Variants in GABRG3 observed in about 807,000 individuals in gnomAD.
GABRG3 encodes gamma-aminobutyric acid type A receptor subunit gamma3.
In GABRG3, 25 loss-of-function variants were observed where a neutral mutation model predicts 48.8. That is an observed-to-expected ratio of 0.51 (90% CI 0.37 to 0.72). GABRG3 has a LOEUF of 0.72. Among genes scored for constraint, GABRG3 ranks in the 30% least tolerant of loss-of-function variants. GABRG3 has a pLI of 0.00. For synonymous variants in GABRG3, 227 were observed against 217.6 expected (o/e 1.04, Z -0.38); for missense variants, 394 against 577.9 (o/e 0.68, Z 3.26).
intron 3 of GABRG3, among the ~76,000 whole-genome samples, chr15:27,207,405 A>G (rs1336399821): frequency 6.6e-6 from 1 of 152,240 alleles, no homozygotes; most frequent in Non-Finnish European, 1.5e-5. Context: ...TGGATTCCGA[A>G]CTCAAGCCTT....
chr15:27,476,303 G>A (rs1268396553), intron 5 of GABRG3, among the ~76,000 whole-genome samples: 1 of 151,606 alleles, frequency 6.6e-6, no homozygotes, highest in African/African-American at 2.4e-5. Context: ...CACACACAAA[G>A]GAAAAAGCTA....
chr15:27,458,934 G>C (rs1038360935), intron 5 of GABRG3, among the ~76,000 whole-genome samples: 1 of 152,278 alleles, frequency 6.6e-6, no homozygotes, highest in East Asian at 1.9e-4. Context: ...TCCCGTCTCC[G>C]GCACATTCTC....
intron 5 of GABRG3, among the ~76,000 whole-genome samples, chr15:27,458,327 T>C (rs1352202865): frequency 6.6e-6 from 1 of 152,204 alleles, no homozygotes; most frequent in African/African-American, 2.4e-5. Flanking sequence ...CATTACACTT[T>C]AGGGGAAGGA....
At chr15:27,318,946 G>T (rs1003332387) in intron 3 of GABRG3, among the ~76,000 whole-genome samples, 5 of 152,162 alleles carry the variant, frequency 3.3e-5, no homozygotes, top group Non-Finnish European at 7.3e-5. Context: ...GTTAAGTTCC[G>T]CAGGCCTAAT....
intron 6 of GABRG3, among the ~76,000 whole-genome samples, chr15:27,511,925 C>T (rs994218853): frequency 6.6e-6 from 1 of 152,140 alleles, no homozygotes; most frequent in African/African-American, 2.4e-5. Context: ...GTGGGAGGAA[C>T]GTTCTAGCAA....
At chr15:27,301,047 T>C (rs1016200713) in intron 3 of GABRG3, among the ~76,000 whole-genome samples, 2 of 152,152 alleles carry the variant, frequency 1.3e-5, no homozygotes, top group African/African-American at 4.8e-5. Flanking sequence ...TATGATCAAG[T>C]TAAGTGAACT....
intron 3 of GABRG3, among the ~76,000 whole-genome samples, chr15:27,107,931 A>G (rs938490392): frequency 2.0e-5 from 3 of 151,366 alleles, no homozygotes; most frequent in African/African-American, 7.3e-5. Context: ...CATTTCTGGT[A>G]TTGATAATTT....
intron 5 of GABRG3, among the ~76,000 whole-genome samples, chr15:27,342,825 C>T (rs568086603): frequency 3.9e-5 from 6 of 152,308 alleles, no homozygotes; most frequent in South Asian, 2.1e-4. Flanking sequence ...GGCTCCTGGA[C>T]GCAGAGCGTT....
chr15:27,358,958 C>T (rs1234931942), intron 5 of GABRG3, among the ~76,000 whole-genome samples: 1 of 152,224 alleles, frequency 6.6e-6, no homozygotes, highest in African/African-American at 2.4e-5. Context: ...AGGATCTAGG[C>T]TTTCCCTGGG....
intron 7 of GABRG3, among the ~76,000 whole-genome samples, chr15:27,521,885 A>G (rs1891168836): frequency 1.3e-5 from 2 of 152,030 alleles, no homozygotes; most frequent in African/African-American, 4.8e-5. Flanking sequence ...TATGCATAAC[A>G]TAACTATAAC....
intron 3 of GABRG3, among the ~76,000 whole-genome samples, chr15:27,052,837 T>G (rs1300719382): frequency 6.6e-6 from 1 of 151,708 alleles, no homozygotes; most frequent in Admixed American, 6.6e-5. Flanking sequence ...TGGAATAGAG[T>G]AGATAACCCA....
chr15:27,153,965 T>C (rs76518147), intron 3 of GABRG3, among the ~76,000 whole-genome samples: 4,253 of 152,286 alleles, frequency 0.028, 205 homozygotes, highest in African/African-American at 0.097. Context: ...ACATGATACA[T>C]CAGTAACAGG....
chr15:27,407,508 T>G (rs1466759214), intron 5 of GABRG3, among the ~76,000 whole-genome samples: 1 of 152,190 alleles, frequency 6.6e-6, no homozygotes, highest in East Asian at 1.9e-4. Flanking sequence ...AGCCTGCACA[T>G]GGATGTTTGT....
chr15:27,313,250 GTGTGTGTGTGTGTATATA>G (rs1893065974), intron 3 of GABRG3, among the ~76,000 whole-genome samples: 1 of 58,728 alleles, frequency 1.7e-5, no homozygotes, highest in African/African-American at 7.2e-5. Context: ...ATGTGTGTGT[GTGTGTGTGTGTGTATATA>G]TATATATATA....
In GABRG3 at chr15:27,460,873, C is replaced by T. The variant is rs549440658; in HGVS notation, c.575-19777C>T. On this transcript the variant is annotated intron_variant, in intron 5 of 9. Transcript: ENST00000615808. Reference sequence around the variant, plus strand: ...CATTTGGTGGGGGTCCAGGTTCCTTCCATCAGGTTGCTTATTTACTTCTCA... The same window carrying T: ...CATTTGGTGGGGGTCCAGGTTCCTTTCATCAGGTTGCTTATTTACTTCTCA... Among the ~76,000 whole-genome samples the T allele has an allele frequency of 1.3e-4, 20 of 152,210 alleles. No homozygotes were observed. The East Asian group carries it at 2.7e-3, about 21-fold the overall frequency.
chr15:26,995,155 AT>A (rs1344143651), intron 2 of GABRG3, among the ~76,000 whole-genome samples: 2 of 151,982 alleles, frequency 1.3e-5, no homozygotes, highest in African/African-American at 4.8e-5. Flanking sequence ...AAATATTTAC[AT>A]TTATTATATG....
At chr15:27,126,987 A>G (rs1460063592) in intron 3 of GABRG3, among the ~76,000 whole-genome samples, 1 of 152,160 alleles carries the variant, frequency 6.6e-6, no homozygotes, top group African/African-American at 2.4e-5. Flanking sequence ...GCCAGCGGAG[A>G]GATTGGAAAA....
chr15:26,997,131 A>C (rs900085444), intron 2 of GABRG3, among the ~76,000 whole-genome samples: 2 of 151,812 alleles, frequency 1.3e-5, no homozygotes, highest in African/African-American at 4.8e-5. Flanking sequence ...TTTCATTTTG[A>C]TTATTGTACT....
intron 5 of GABRG3, among the ~76,000 whole-genome samples, chr15:27,410,879 TG>T (rs1330934918): frequency 6.6e-6 from 1 of 151,636 alleles, no homozygotes; most frequent in Non-Finnish European, 1.5e-5. Context: ...TGTGTGTGTG[TG>T]TGTGTGTGTT....
Sources: allele counts gnomAD v4.1 joint callset (sites outside exome capture counted in the v4.1 genomes callset), GRCh38; gene constraint gnomAD v4.1.1; transcripts MANE v1.5; gene names NCBI Gene and HGNC (gene_info 2026-07-23, HGNC 2026-07-21).